The following SLC2A7 variants were observed in gnomAD, a reference collection of about 807,000 sequenced individuals.
The protein encoded by SLC2A7 is solute carrier family 2, facilitated glucose transporter member 7.
SLC2A7 carries 50 observed loss-of-function variants against 50.5 expected under a neutral mutation model. The ratio of observed to expected loss-of-function variants is 0.99; its 90% CI spans 0.79 to 1.25. The LOEUF (loss-of-function observed/expected upper bound fraction) is 1.25, where lower values mean the gene tolerates loss of function less well. Ranked by LOEUF, SLC2A7 falls within the 50% of genes most tolerant of loss-of-function variation. The pLI, the probability that SLC2A7 is intolerant of heterozygous loss-of-function variation, is 0.00. For synonymous variants in SLC2A7, 308 were observed against 300.4 expected (o/e 1.03, Z -0.26); for missense variants, 683 against 679.1 (o/e 1.01, Z -0.06).
At chr1:9,005,833 T>A (rs1319776915) in intron 10 of SLC2A7, among the ~76,000 whole-genome samples, 1 of 149,776 alleles carries the variant, frequency 6.7e-6, no homozygotes, top group African/African-American at 2.5e-5. Context: ...GATCTCCCTC[T>A]CTGGATGGAC....
At chr1:9,003,814 C>T (rs539136270) in intron 11 of SLC2A7, among the ~76,000 whole-genome samples, 11 of 152,112 alleles carry the variant, frequency 7.2e-5, no homozygotes, top group South Asian at 2.1e-4. Context: ...GCCAAGATCG[C>T]GCTACTGCAC....
the SLC2A7 span, among the ~76,000 whole-genome samples, chr1:8,994,078 T>G: frequency 6.6e-6 from 1 of 152,218 alleles, no homozygotes; most frequent in Non-Finnish European, 1.5e-5. Context: ...AAAATGGAAT[T>G]GCTCTGGTTT....
At chr1:8,993,449 A>C in the SLC2A7 span, among the ~76,000 whole-genome samples, 4 of 152,286 alleles carry the variant, frequency 2.6e-5, 1 homozygote, top group East Asian at 5.8e-4. Context: ...AAAGGGCATA[A>C]AAACAAACAA....
chr1:9,024,806 C>A (rs908936847), intron 2 of SLC2A7, among the ~76,000 whole-genome samples, 170 bp downstream of exon 2: 13 of 152,162 alleles, frequency 8.5e-5, no homozygotes, highest in African/African-American at 3.1e-4. Flanking sequence ...ACGCCCTGGT[C>A]TCCAGGGGTG....
Position 9,013,605 on chromosome 1 carries a change from ATGTG to A in SLC2A7, c.930_933del (p.Thr311LeufsTer12). ...GAGTGAGCGGCCTCCACGCCCGCAG[ATGTG>A]TAGATGGTGTCCGCATAGTAGTTGA... On this transcript the variant is annotated frameshift_variant, in exon 8 of 12. Coordinates refer to ENST00000400906, the MANE Select transcript of SLC2A7 (RefSeq NM_207420.3). LOFTEE classifies it high-confidence loss of function. The A allele has an allele frequency of 6.2e-7, 1 of 1,614,148 alleles. No individual in the cohort carries two copies. The highest frequency in any genetic ancestry group is 8.5e-7 in the Non-Finnish European group (1 of 1,179,984).
intron 5 of SLC2A7, among the ~76,000 whole-genome samples, chr1:9,015,547 G>A (rs1011583528): frequency 3.9e-5 from 6 of 152,126 alleles, no homozygotes; most frequent in African/African-American, 1.4e-4. Flanking sequence ...TAGCAGGAAA[G>A]GGGATAATCT....
the SLC2A7 span, among the ~76,000 whole-genome samples, chr1:8,994,687 T>G: frequency 1.3e-5 from 2 of 152,108 alleles, no homozygotes; most frequent in Non-Finnish European, 2.9e-5. Context: ...CCAGAGACAT[T>G]TAGGGACTGG....
At chr1:9,010,366 T>TC (rs1160029716) in intron 8 of SLC2A7, 122 bp from the exon 9 acceptor site, 1 of 767,574 alleles carries the variant, frequency 1.3e-6, no homozygotes, top group East Asian at 2.7e-5. Flanking sequence ...TGTCTTTCTT[T>TC]CTTTTTTTTT....
rs558202602 is a variant in SLC2A7, at chr1:9,008,986, G to C, written c.1116+1157C>G. 6.6e-6 allele frequency among the ~76,000 whole-genome samples: 1 copy of C among 152,260 alleles called. No individual in the cohort carries two copies. Among genetic ancestry groups the C allele is most frequent in the East Asian group, 1.9e-4 (1 of 5,182 alleles). ...ATGAGCATCACTAACACTGTTCGTC[G>C]CCAGGCCTTGCTTTCCCCGCAGGCC... is the stretch of plus-strand genomic sequence containing the variant. On this transcript the variant is annotated intron_variant, in intron 9 of 11. Transcript: ENST00000400906. This position sits in a 1 kb window ranked among gnomAD's most constrained non-coding sequence, Gnocchi z 5.9.
intron 3 of SLC2A7, among the ~76,000 whole-genome samples, chr1:9,020,088 G>A (rs1411700462): frequency 6.6e-6 from 1 of 152,198 alleles, no homozygotes; most frequent in African/African-American, 2.4e-5. Context: ...GTCTGTGGTT[G>A]TAGCAGCCTG....
chr1:9,012,517 C>T (rs1640763088), intron 8 of SLC2A7, among the ~76,000 whole-genome samples: 1 of 152,186 alleles, frequency 6.6e-6, no homozygotes, highest in Admixed American at 6.5e-5. Flanking sequence ...CCACTGTTTT[C>T]CTTAACTTCT....
the SLC2A7 span, among the ~76,000 whole-genome samples, chr1:8,996,899 C>T: frequency 6.6e-6 from 1 of 152,204 alleles, no homozygotes; most frequent in African/African-American, 2.4e-5. Flanking sequence ...CCTCAGCCTC[C>T]CAAGTAGCTG....
chr1:9,015,315 G>T, intron 5 of SLC2A7, 73 bp from the exon 6 acceptor site: 1 of 1,469,988 alleles, frequency 6.8e-7, no homozygotes, highest in Non-Finnish European at 8.9e-7. Flanking sequence ...TGCTCGGAAG[G>T]TCACGCTCCT....
chr1:9,011,592 A>T (rs1294450303), intron 8 of SLC2A7, among the ~76,000 whole-genome samples: 1 of 151,984 alleles, frequency 6.6e-6, no homozygotes, highest in Non-Finnish European at 1.5e-5. Context: ...CTGGGCTCAC[A>T]TCATGCGGGG....
At chr1:9,000,934 TTCCA>T (rs1557644185), downstream of SLC2A7, among the ~76,000 whole-genome samples, 1 of 152,122 alleles carries the variant, frequency 6.6e-6, no homozygotes, top group African/African-American at 2.4e-5. Flanking sequence ...CCTCCGAGTC[TTCCA>T]GCTGAAGCCC....
At chr1:9,021,160 C>G (rs1259311524) in intron 3 of SLC2A7, among the ~76,000 whole-genome samples, 2 of 152,196 alleles carry the variant, frequency 1.3e-5, no homozygotes, top group Non-Finnish European at 2.9e-5. Flanking sequence ...CAGGCATGCG[C>G]CACCATGCCC....
At chr1:9,019,463 G>A in intron 3 of SLC2A7, 130 bp from the exon 4 acceptor site, 1 of 1,343,320 alleles carries the variant, frequency 7.4e-7, no homozygotes, top group Non-Finnish European at 1.0e-6. Context: ...GCTGAAGCAG[G>A]GGGCCGTGGA....
Position 9,021,961 on chromosome 1 carries a change from A to T in SLC2A7, c.311+957T>A, listed in dbSNP as rs530479910. Among the ~76,000 whole-genome samples, 3 of 152,322 alleles carry T rather than the reference A, an allele frequency of 2.0e-5. No individual in the cohort carries two copies. In the South Asian group the frequency reaches 6.2e-4, roughly 32 times the overall value. On this transcript the variant is annotated intron_variant, in intron 3 of 11. Coordinates refer to ENST00000400906, the MANE Select transcript of SLC2A7 (RefSeq NM_207420.3). ...AACATCACAGTCTGGATGACCAAAA[A>T]AAAAAGCTTGAATTATGGTATAGTT...
At chr1:9,004,911 G>A in intron 10 of SLC2A7, 32 bp from the exon 11 acceptor site, 1 of 1,604,518 alleles carries the variant, frequency 6.2e-7, no homozygotes, top group South Asian at 1.1e-5. Context: ...GTGGGGCGGA[G>A]AAGGACCCAG....
Sources: gnomAD v4.1 joint callset for allele counts (sites outside exome capture counted in the v4.1 genomes callset) on GRCh38, gnomAD v4.1.1 for gene constraint, Gnocchi (gnomAD v3.1) non-coding constraint, MANE v1.5 for transcripts, NCBI Gene and HGNC (gene_info 2026-07-23, HGNC 2026-07-21) for gene names.